Variants in THSD7B observed in about 807,000 individuals in gnomAD.
THSD7B encodes thrombospondin type-1 domain-containing protein 7B.
In THSD7B, 138 loss-of-function variants were observed where a neutral mutation model predicts 213.6. That is an observed-to-expected ratio of 0.65 (90% CI 0.56 to 0.74). The LOEUF (loss-of-function observed/expected upper bound fraction) is 0.74. THSD7B is among the 30% of genes least tolerant of loss of function. THSD7B has a pLI of 0.00. For synonymous variants in THSD7B, 742 were observed against 687.0 expected, an observed-to-expected ratio of 1.08 and a Z score of -1.25; for missense variants, 1,931 against 1,991.5, an observed-to-expected ratio of 0.97 and a Z score of 0.58.
intron 20 of THSD7B, among the ~76,000 whole-genome samples, chr2:137,626,995 A>T (rs780448950): frequency 4.3e-4 from 65 of 152,192 alleles, no homozygotes; most frequent in Non-Finnish European, 8.8e-4. Flanking sequence ...TTGACTAATG[A>T]TTCTGGTGCC....
intron 3 of THSD7B, among the ~76,000 whole-genome samples, chr2:137,069,705 A>G (rs1415766664): frequency 6.6e-6 from 1 of 151,894 alleles, no homozygotes; most frequent in Non-Finnish European, 1.5e-5. Context: ...GTTAAAGGAG[A>G]TTTAAATTTT....
At chr2:136,983,371 G>GACACACAGACACA (rs1398395384) in intron 2 of THSD7B, among the ~76,000 whole-genome samples, 8 of 141,114 alleles carry the variant, frequency 5.7e-5, no homozygotes, top group Non-Finnish European at 1.2e-4. Flanking sequence ...ACACACACAC[G>GACACACAGACACA]CACACACACT....
chr2:136,863,580 C>G (rs1683287001), intron 1 of THSD7B, among the ~76,000 whole-genome samples: 1 of 152,190 alleles, frequency 6.6e-6, no homozygotes, highest in South Asian at 2.1e-4. Context: ...GTCGCAGTGA[C>G]TATCATTGTG....
chr2:137,085,315 G>A (rs972137604), intron 3 of THSD7B, among the ~76,000 whole-genome samples: 8 of 152,104 alleles, frequency 5.3e-5, no homozygotes, highest in Middle Eastern at 3.4e-3. Flanking sequence ...AATAGCAAAG[G>A]ATCACCAAAA....
At chr2:137,173,434 A>G (rs1680302483) in intron 7 of THSD7B, among the ~76,000 whole-genome samples, 1 of 152,170 alleles carries the variant, frequency 6.6e-6, no homozygotes, top group Admixed American at 6.5e-5. Context: ...TTGGCTAGGA[A>G]CTTCTTTCAT....
intron 21 of THSD7B, among the ~76,000 whole-genome samples, chr2:137,645,548 G>T (rs528214803): frequency 8.5e-5 from 13 of 152,180 alleles, no homozygotes; most frequent in Admixed American, 8.5e-4. Flanking sequence ...AAGCGATTAA[G>T]GTTGAATATG....
chr2:137,182,298 A>G (rs1287115054), intron 7 of THSD7B, among the ~76,000 whole-genome samples: 1 of 152,214 alleles, frequency 6.6e-6, no homozygotes, highest in Non-Finnish European at 1.5e-5. Flanking sequence ...CAGCTGAGAG[A>G]AACAGTGTAT....
At chr2:136,810,823 T>C (rs1026866561) in intron 1 of THSD7B, among the ~76,000 whole-genome samples, 13 of 152,316 alleles carry the variant, frequency 8.5e-5, no homozygotes, top group East Asian at 7.7e-4. Context: ...GGTAAAGAAA[T>C]AAAATGTGAT....
intron 12 of THSD7B, among the ~76,000 whole-genome samples, chr2:137,300,824 C>T (rs565720791): frequency 3.3e-5 from 5 of 152,054 alleles, no homozygotes; most frequent in African/African-American, 7.2e-5. Context: ...CAAGTTTATA[C>T]GGACAAAAAG....
chr2:137,575,034 T>G (rs1681430269), intron 17 of THSD7B, among the ~76,000 whole-genome samples: 1 of 152,258 alleles, frequency 6.6e-6, no homozygotes, highest in South Asian at 2.1e-4. Flanking sequence ...ATTCACTATT[T>G]GTTGGGTATT....
chr2:137,245,026 T>G (rs914310432), intron 10 of THSD7B, among the ~76,000 whole-genome samples: 6 of 152,128 alleles, frequency 3.9e-5, no homozygotes, highest in African/African-American at 1.2e-4. Flanking sequence ...AATTTTCAGT[T>G]GTAAGAAGCT....
chr2:136,886,130 G>A (rs1683712114), intron 2 of THSD7B, among the ~76,000 whole-genome samples: 1 of 152,164 alleles, frequency 6.6e-6, no homozygotes, highest in African/African-American at 2.4e-5. Flanking sequence ...GTGAACATGG[G>A]GAGGGTGATG....
chr2:136,897,926 T>C (rs576554408), intron 2 of THSD7B, among the ~76,000 whole-genome samples: 1 of 152,178 alleles, frequency 6.6e-6, no homozygotes, highest in Non-Finnish European at 1.5e-5. Context: ...TTTACAAACC[T>C]GTAGCTAGAC....
intron 3 of THSD7B, among the ~76,000 whole-genome samples, chr2:137,078,530 C>G (rs945979926): frequency 6.6e-6 from 1 of 151,912 alleles, no homozygotes; most frequent in Non-Finnish European, 1.5e-5. Context: ...AGTAATTTGC[C>G]TGTTTGGTTT....
At chr2:137,217,584 G>A (rs140454072) in intron 7 of THSD7B, among the ~76,000 whole-genome samples, 72 of 152,204 alleles carry the variant, frequency 4.7e-4, no homozygotes, top group African/African-American at 1.4e-3. Flanking sequence ...GTAAATTAGT[G>A]CCTTTAGCAG....
At chr2:137,032,972 C>A (rs1446502089) in intron 2 of THSD7B, among the ~76,000 whole-genome samples, 2 of 152,142 alleles carry the variant, frequency 1.3e-5, no homozygotes, top group African/African-American at 2.4e-5. Context: ...ATGGAAATAT[C>A]TCTAAAACAT....
chr2:136,934,521 C>G (rs1204515033), intron 2 of THSD7B, among the ~76,000 whole-genome samples: 1 of 152,096 alleles, frequency 6.6e-6, no homozygotes, highest in Non-Finnish European at 1.5e-5. Context: ...ATTGCATAAA[C>G]AAATTATTGG....
At chr2:137,485,364 C>A (rs1688410907) in intron 15 of THSD7B, among the ~76,000 whole-genome samples, 1 of 151,768 alleles carries the variant, frequency 6.6e-6, no homozygotes. Context: ...GGGCTGTGTT[C>A]TGTTCCATTG....
chr2:137,520,493 G>A (rs1275904749), intron 15 of THSD7B, among the ~76,000 whole-genome samples: 3 of 152,368 alleles, frequency 2.0e-5, no homozygotes, highest in Middle Eastern at 3.4e-3. Flanking sequence ...CCTTATGTGT[G>A]TATAGCTGAA....
Sources: allele counts gnomAD v4.1 joint callset (sites outside exome capture counted in the v4.1 genomes callset), GRCh38; gene constraint gnomAD v4.1.1; transcripts MANE v1.5; gene names NCBI Gene and HGNC (gene_info 2026-07-23, HGNC 2026-07-21).